Variants in TMPRSS11F observed in about 807,000 individuals in gnomAD.
The protein encoded by TMPRSS11F is transmembrane protease serine 11F.
Under a neutral mutation model 60.2 loss-of-function variants are expected in TMPRSS11F, and 47 were observed. The ratio of observed to expected loss-of-function variants is 0.78; its 90% CI spans 0.62 to 1.00. The LOEUF (loss-of-function observed/expected upper bound fraction) is 1.00. Among genes scored for constraint, TMPRSS11F ranks in the 50% least tolerant of loss-of-function variants. The pLI, the probability that TMPRSS11F is intolerant of heterozygous loss-of-function variation, is 0.00. For missense variants in TMPRSS11F, 519 were observed against 522.9 expected (o/e 0.99, Z 0.07); for synonymous variants, 166 against 167.3 (o/e 0.99, Z 0.06).
intron 3 of TMPRSS11F, among the ~76,000 whole-genome samples, chr4:68,082,021 A>G (rs550733133): frequency 1.3e-5 from 2 of 152,320 alleles, no homozygotes; most frequent in Admixed American, 6.5e-5. Context: ...AGACCAAAAT[A>G]TTGAGTAAGC....
At chr4:68,091,751 C>CCCTA (rs1560403380) in intron 2 of TMPRSS11F, among the ~76,000 whole-genome samples, 17 of 35,050 alleles carry the variant, frequency 4.9e-4, no homozygotes, top group Non-Finnish European at 1.2e-3. Flanking sequence ...TCTCTAATCT[C>CCCTA]TCTCTCTCTC....
At chr4:68,084,581 G>A (rs916137244) in intron 3 of TMPRSS11F, among the ~76,000 whole-genome samples, 2 of 152,194 alleles carry the variant, frequency 1.3e-5, no homozygotes, top group Middle Eastern at 3.4e-3. Context: ...AAGTAAAGGA[G>A]AAATAAAATC....
At chr4:68,120,906 T>C (rs1355127267) in intron 1 of TMPRSS11F, among the ~76,000 whole-genome samples, 1 of 152,240 alleles carries the variant, frequency 6.6e-6, no homozygotes, top group Admixed American at 6.5e-5. Flanking sequence ...CATTAAGGTA[T>C]GTGCCTCTCT....
intron 2 of TMPRSS11F, among the ~76,000 whole-genome samples, chr4:68,094,974 AAAC>A (rs1724041056): frequency 1.3e-5 from 2 of 152,084 alleles, no homozygotes; most frequent in Admixed American, 6.5e-5. Context: ...TCCAGTAACT[AAAC>A]AACAAAACCA....
chr4:68,103,323 G>A (rs908716698), intron 1 of TMPRSS11F, among the ~76,000 whole-genome samples: 4 of 152,060 alleles, frequency 2.6e-5, no homozygotes, highest in African/African-American at 7.2e-5. Flanking sequence ...GCACATGCCC[G>A]TAGTCCCAGA....
rs377486918 is a variant in TMPRSS11F, at chr4:68,055,314, A to T, written c.1159-1247T>A. Among the ~76,000 whole-genome samples the T allele has an allele frequency of 8.5e-5, 13 of 152,196 alleles. No homozygotes were observed. The East Asian group carries it at 1.2e-3, about 14-fold the overall frequency. ...CTGACATGATTAGCCTTTTTTTGGA[A>T]ATGGTTCTGGCTCTTATTTGACTAA... On this transcript the variant is annotated intron_variant, in intron 9 of 9. Coordinates refer to ENST00000356291, the MANE Select transcript of TMPRSS11F (RefSeq NM_207407.2).
intron 3 of TMPRSS11F, among the ~76,000 whole-genome samples, chr4:68,084,659 A>T (rs943024459): frequency 5.9e-5 from 9 of 152,196 alleles, no homozygotes; most frequent in African/African-American, 2.2e-4. Flanking sequence ...TCCTTAAGAG[A>T]ATGCTAAATG....
intron 3 of TMPRSS11F, among the ~76,000 whole-genome samples, chr4:68,089,293 T>C (rs769615930): frequency 1.3e-5 from 2 of 152,178 alleles, no homozygotes; most frequent in African/African-American, 4.8e-5. Flanking sequence ...CTTGAGGGCA[T>C]ATCTTACTAT....
intron 1 of TMPRSS11F, among the ~76,000 whole-genome samples, chr4:68,109,880 G>T (rs1724378524): frequency 6.6e-6 from 1 of 152,128 alleles, no homozygotes; most frequent in Non-Finnish European, 1.5e-5. Flanking sequence ...ATGACATCAA[G>T]ATGAAGATTT....
At chr4:68,122,231 ATTAAAC>A (rs1453968123) in intron 1 of TMPRSS11F, among the ~76,000 whole-genome samples, 3 of 152,182 alleles carry the variant, frequency 2.0e-5, no homozygotes, top group Admixed American at 6.5e-5. Context: ...CAATGTAAGT[ATTAAAC>A]TTTGTGTAAA....
chr4:68,081,382 A>G (rs757191936), intron 3 of TMPRSS11F, among the ~76,000 whole-genome samples: 8 of 152,230 alleles, frequency 5.3e-5, no homozygotes, highest in Non-Finnish European at 8.8e-5. Context: ...CATAGAACAT[A>G]TGGAAAAATT....
intron 1 of TMPRSS11F, among the ~76,000 whole-genome samples, chr4:68,109,370 T>C (rs1442439212): frequency 2.6e-5 from 4 of 152,106 alleles, no homozygotes; most frequent in Non-Finnish European, 5.9e-5. Flanking sequence ...ATTCTCTTAT[T>C]GCCTTGGTGA....
At chr4:68,061,811 C>G (rs1723182434) in intron 8 of TMPRSS11F, 2 of 441,222 alleles carry the variant, frequency 4.5e-6, no homozygotes. Flanking sequence ...TACAGTACAA[C>G]CTGTCTAAAG....
chr4:68,063,078 T>A, intron 8 of TMPRSS11F: 1 of 649,264 alleles, frequency 1.5e-6, no homozygotes, highest in Non-Finnish European at 3.0e-6. Context: ...TGTACTGTAT[T>A]CTGAACCAAG....
chr4:68,068,750 T>C lies in TMPRSS11F; in HGVS notation c.623A>G (p.Gln208Arg), dbSNP rs1200206043. ...PASSSTQRIV[Q>R]GRETAMEGEW... Reference sequence around the variant, plus strand: ...CCCTTCCATAGCTGTTTCCCTTCCTTGGACAATTCTTTGAGTAGAAGAGGA... The same window carrying C: ...CCCTTCCATAGCTGTTTCCCTTCCTCGGACAATTCTTTGAGTAGAAGAGGA... Residue 208 changes from glutamine to arginine, a missense_variant, in exon 7 of 10, where the codon CAA becomes CGA. Gln to Arg is a conservative substitution (Grantham distance 43). Transcript: ENST00000356291. The C allele has an allele frequency of 6.2e-7, 1 of 1,614,252 alleles. No individual in the cohort carries two copies. The highest frequency in any genetic ancestry group is 1.3e-5 in the African/African-American group (1 of 75,062).
At chr4:68,054,261 A>G (rs1269728500) in intron 9 of TMPRSS11F, among the ~76,000 whole-genome samples, 194 bp from the exon 10 acceptor site, 1 of 152,128 alleles carries the variant, frequency 6.6e-6, no homozygotes, top group Non-Finnish European at 1.5e-5. Flanking sequence ...TAGGAAGGCT[A>G]ACATTCATTC....
chr4:68,111,710 G>A (rs1006139917), intron 1 of TMPRSS11F, among the ~76,000 whole-genome samples: 1 of 152,122 alleles, frequency 6.6e-6, no homozygotes, highest in African/African-American at 2.4e-5. Flanking sequence ...CATGGTGGTG[G>A]ACAGTTGATA....
In TMPRSS11F at chr4:68,090,016, A is replaced by T. The variant is rs531122697; in HGVS notation, c.282+507T>A. 2.0e-3 allele frequency among the ~76,000 whole-genome samples: 305 copies of T among 152,254 alleles called. 1 individual carries two copies. The highest frequency in any genetic ancestry group is 7.0e-3 in the African/African-American group (293 of 41,588). ...TGACAGTTAAGGAGATGGCTCACCC[A>T]ATATACTTAAAAAATTACAAATAAC... On this transcript the variant is annotated intron_variant, in intron 3 of 9. Coordinates refer to ENST00000356291, the MANE Select transcript of TMPRSS11F (RefSeq NM_207407.2).
intron 6 of TMPRSS11F, 89 bp downstream of exon 6, chr4:68,069,880 T>C (rs1453224767): frequency 1.9e-6 from 2 of 1,055,696 alleles, no homozygotes; most frequent in African/African-American, 3.2e-5. Flanking sequence ...CTTAAAAAGC[T>C]TGGTAAACTT....
Sources: gnomAD v4.1 joint callset for allele counts (sites outside exome capture counted in the v4.1 genomes callset) on GRCh38, gnomAD v4.1.1 for gene constraint, MANE v1.5 for transcripts, NCBI Gene and HGNC (gene_info 2026-07-23, HGNC 2026-07-21) for gene names.